CTBP1: variants seen among roughly 807,000 people sequenced by gnomAD.
CTBP1 encodes C-terminal-binding protein 1.
A neutral mutation model predicts 42.1 loss-of-function variants in CTBP1; 11 were observed. The observed-to-expected ratio is 0.26, with a 90% confidence interval of 0.16 to 0.43. The LOEUF (loss-of-function observed/expected upper bound fraction) is 0.43. Ranked by LOEUF, CTBP1 falls within the 20% of genes least tolerant of loss-of-function variation. The pLI is 1.00. For missense variants in CTBP1, 399 were observed against 624.3 expected, an observed-to-expected ratio of 0.64 and a Z score of 3.85; for synonymous variants, 324 against 277.1, an observed-to-expected ratio of 1.17 and a Z score of -1.68.
intron 5 of CTBP1, among the ~76,000 whole-genome samples, chr4:1,224,964 G>A (rs1273889690): frequency 6.6e-6 from 1 of 151,930 alleles, no homozygotes; most frequent in Non-Finnish European, 1.5e-5. Context: ...TGTGTGCTCT[G>A]ATTTCTGTGT....
At chr4:1,244,028 T>A (rs1732456781) in intron 1 of CTBP1, 1 of 985,286 alleles carries the variant, frequency 1.0e-6, no homozygotes. Flanking sequence ...AAAAACTGAT[T>A]TTAAAGTAAA....
chr4:1,220,200 CAAA>C (rs567811704), intron 5 of CTBP1, among the ~76,000 whole-genome samples: 8 of 58,968 alleles, frequency 1.4e-4, no homozygotes, highest in Non-Finnish European at 7.1e-5. Flanking sequence ...GACTCTGTCT[CAAA>C]AAAAAAAAAA....
In CTBP1 at chr4:1,214,172, C is replaced by T. The variant is rs1728848108; in HGVS notation, c.860+171G>A. 21 of 828,896 alleles carry T rather than the reference C, an allele frequency of 2.5e-5. 2 individuals are homozygous for T. The South Asian group carries it at 4.2e-4, about 17-fold the overall frequency. 51.3% of individuals were successfully genotyped at this position (828,896 alleles called of 1,614,324 possible). Reference sequence around the variant, plus strand: ...GGACCGAGGCAAGGCAGGCCTAGAGCCCGTGGCTCCATCCTCACCCCGCAG... The same window carrying T: ...GGACCGAGGCAAGGCAGGCCTAGAGTCCGTGGCTCCATCCTCACCCCGCAG... On this transcript the variant is annotated intron_variant, in intron 7 of 9. Transcript: ENST00000382952.
At chr4:1,228,898 G>C (rs1455719860) in intron 3 of CTBP1, among the ~76,000 whole-genome samples, 1 of 152,234 alleles carries the variant, frequency 6.6e-6, no homozygotes, top group East Asian at 1.9e-4. Context: ...ACATCCACAG[G>C]AGCATGCACT....
intron 6 of CTBP1, among the ~76,000 whole-genome samples, chr4:1,215,290 T>C (rs1363316370): frequency 6.6e-6 from 1 of 152,078 alleles, no homozygotes; most frequent in Admixed American, 6.5e-5. Context: ...GCAGCTAGAG[T>C]GGGCGGGTGG....
chr4:1,216,590 T>A (rs1435513326), intron 5 of CTBP1: 1 of 319,646 alleles, frequency 3.1e-6, no homozygotes, highest in Non-Finnish European at 5.9e-6. Flanking sequence ...CCGCTGGCCT[T>A]TCGATCCACC....
At chr4:1,225,150 G>A (rs1730190233) in intron 5 of CTBP1, among the ~76,000 whole-genome samples, 1 of 151,842 alleles carries the variant, frequency 6.6e-6, no homozygotes, top group Admixed American at 6.6e-5. Flanking sequence ...GCCTGTGTGA[G>A]ACCCACGTGT....
chr4:1,243,837 A>T (rs1165584518), intron 1 of CTBP1: 1 of 984,818 alleles, frequency 1.0e-6, no homozygotes, highest in Non-Finnish European at 1.2e-6. Context: ...CTCATCAAAA[A>T]CTCACAGCCG....
intron 1 of CTBP1, chr4:1,242,001 G>A: frequency 2.0e-6 from 2 of 1,001,256 alleles, no homozygotes; most frequent in Non-Finnish European, 2.4e-6. Flanking sequence ...ACCGGGAGAG[G>A]TGCTGCTGGC....
At chr4:1,217,767 A>G (rs1483147494) in intron 5 of CTBP1, 1 of 152,256 alleles carries the variant, frequency 6.6e-6, no homozygotes, top group Non-Finnish European at 1.5e-5. Flanking sequence ...ATGCAGGTGA[A>G]GAGACAGGAG....
chr4:1,225,388 G>A lies in CTBP1; in HGVS notation c.486C>T (p.Arg162=), dbSNP rs1045458. Residue 162 remains arginine, a synonymous_variant, in exon 5 of 10, where the codon CGC becomes CGT. Coordinates refer to ENST00000382952, the MANE Select transcript of CTBP1 (RefSeq NM_001012614.2). ...GTCCGATGATGCCCAAGGTCTCCCC[G>A]CGGATCCTGGCAGCGCCGGACGCCA... ...REVASGAARI[R]GETLGIIGLG... 20,838 of 1,566,246 alleles carry A rather than the reference G, an allele frequency of 0.013. 172 individuals carry two copies. Among genetic ancestry groups the A allele is most frequent in the Middle Eastern group, 0.016 (93 of 5,698 alleles).
chr4:1,213,080 G>C (rs1728714956), intron 8 of CTBP1, 50 bp from the exon 9 acceptor site: 1 of 1,500,132 alleles, frequency 6.7e-7, no homozygotes, highest in Non-Finnish European at 9.2e-7. Flanking sequence ...GGGGCCCCAG[G>C]AGCGTGGCCC....
At chr4:1,244,357 G>GT (rs1553851083) in intron 1 of CTBP1, 12 of 978,046 alleles carry the variant, frequency 1.2e-5, no homozygotes, top group Admixed American at 6.2e-5. Flanking sequence ...TGGGCACTGG[G>GT]GGGGGGGTGT....
intron 4 of CTBP1, 35 bp from the exon 5 acceptor site, chr4:1,225,601 C>A (rs1262791614): frequency 1.3e-6 from 2 of 1,522,280 alleles, no homozygotes; most frequent in Non-Finnish European, 1.8e-6. Flanking sequence ...CACCCCCGGG[C>A]CGGGCCCAGC....
At chr4:1,241,228 G>A (rs1388676093) in intron 2 of CTBP1, 97 bp downstream of exon 2, 4 of 777,716 alleles carry the variant, frequency 5.1e-6, no homozygotes, top group Non-Finnish European at 7.2e-6. Context: ...ATGCAGCCCA[G>A]GTCCCTCGAC....
intron 5 of CTBP1, among the ~76,000 whole-genome samples, chr4:1,223,741 C>CG (rs1465639136): frequency 6.6e-6 from 1 of 152,148 alleles, no homozygotes; most frequent in East Asian, 1.9e-4. Flanking sequence ...CCCTCCCTCA[C>CG]GGGGCCCCTC....
chr4:1,228,150 G>A (rs1166847673), intron 4 of CTBP1, 49 bp downstream of exon 4: 1 of 1,603,594 alleles, frequency 6.2e-7, no homozygotes, highest in African/African-American at 1.3e-5. Context: ...AGCAAGACGG[G>A]ACGGAGCTTG....
chr4:1,239,900 A>G (rs1370993638), intron 2 of CTBP1, among the ~76,000 whole-genome samples: 7 of 152,246 alleles, frequency 4.6e-5, no homozygotes, highest in Admixed American at 4.6e-4. Context: ...CACGAGCACC[A>G]TAGACAGGCC....
At chr4:1,236,434 G>A (rs1381571970) in intron 3 of CTBP1, 16 of 568,176 alleles carry the variant, frequency 2.8e-5, no homozygotes, top group Admixed American at 2.4e-4. Flanking sequence ...GGGGCCGGGG[G>A]AAGCACCTTA....
Sources: gnomAD v4.1 joint callset for allele counts (sites outside exome capture counted in the v4.1 genomes callset) on GRCh38, gnomAD v4.1.1 for gene constraint, MANE v1.5 for transcripts, NCBI Gene and HGNC (gene_info 2026-07-23, HGNC 2026-07-21) for gene names.